Variants in TP53BP1 observed in about 807,000 individuals in gnomAD.
TP53BP1 encodes the protein TP53-binding protein 1.
In TP53BP1, 61 loss-of-function variants were observed where a neutral mutation model predicts 200.8. The ratio of observed to expected loss-of-function variants is 0.30; its 90% CI spans 0.25 to 0.38. The LOEUF (loss-of-function observed/expected upper bound fraction) is 0.38. Among genes scored for constraint, TP53BP1 ranks in the 10% least tolerant of loss-of-function variants. TP53BP1 has a pLI of 1.00. For synonymous variants in TP53BP1, 822 were observed against 844.3 expected (o/e 0.97, Z 0.46); for missense variants, 2,144 against 2,371.9 (o/e 0.90, Z 2.00).
intron 12 of TP53BP1, among the ~76,000 whole-genome samples, chr15:43,454,197 C>G (rs2046239458): frequency 6.6e-6 from 1 of 151,856 alleles, no homozygotes; most frequent in South Asian, 2.1e-4. Context: ...GAGCAAGACT[C>G]CACATCTCAA....
chr15:43,475,483 G>T (rs191817822), intron 9 of TP53BP1, 82 bp downstream of exon 9: 2 of 1,500,986 alleles, frequency 1.3e-6, no homozygotes, highest in East Asian at 4.5e-5. Context: ...TAGACTAGCA[G>T]ATAAGTTTAG....
rs2045368139 is a variant in TP53BP1, at chr15:43,420,433, C to T, written c.4553G>A (p.Gly1518Glu). The change falls in exon 21 of 28, where the codon GGG (glycine) becomes GAG (glutamate). Residue 1518 changes from glycine (G) to glutamate (E), a missense_variant. This residue lies in a region of TP53BP1 where 61 missense variants were observed against 147.5 expected (regional missense o/e 0.41). Coordinates refer to ENST00000382044, the MANE Select transcript of TP53BP1 (RefSeq NM_001141980.3). ...SGKITRDVGA[G>E]KYKLLFDDGY... ...ATCATCAAAGAGCAATTTATACTTC[C>T]CAGCTCCGACATCTCGTGTGATTTT... 1 of 1,614,166 alleles carries T rather than the reference C, an allele frequency of 6.2e-7. No individual in the cohort carries two copies. The highest frequency in any genetic ancestry group is 8.5e-7 in the Non-Finnish European group (1 of 1,180,044).
At chr15:43,463,599 A>G (rs967748751) in intron 11 of TP53BP1, among the ~76,000 whole-genome samples, 2 of 152,220 alleles carry the variant, frequency 1.3e-5, no homozygotes, top group African/African-American at 4.8e-5. Context: ...TCTTAAGCAC[A>G]AAACTTCAAG....
At position 43,441,589 on chromosome 15, in the gene TP53BP1, TA is replaced by T; in HGVS notation, c.3041-7del. On this transcript the variant is annotated splice_region_variant and splice_polypyrimidine_tract_variant and intron_variant, in intron 14 of 27. Transcript: ENST00000382044. ...TCTTTCACCAGTTGCAGGCTCTGAA[TA>T]AAAACAAAACCAAGGAGAGAAAGGA... 1 of 1,608,174 alleles carries T rather than the reference TA, an allele frequency of 6.2e-7. No individual in the cohort carries two copies. The highest frequency in any genetic ancestry group is 2.2e-5 in the East Asian group (1 of 44,802).
chr15:43,473,034 C>T (rs1373147213), intron 10 of TP53BP1, among the ~76,000 whole-genome samples: 3 of 152,102 alleles, frequency 2.0e-5, no homozygotes, highest in Non-Finnish European at 2.9e-5. Flanking sequence ...AGTGAAGCTG[C>T]AGACCTTCGC....
At chr15:43,440,514 C>CA (rs767523102) in intron 15 of TP53BP1, among the ~76,000 whole-genome samples, 120 of 94,766 alleles carry the variant, frequency 1.3e-3, no homozygotes, top group South Asian at 3.3e-3. Flanking sequence ...GACTCCGTCT[C>CA]AAAAAAAAAA....
intron 11 of TP53BP1, among the ~76,000 whole-genome samples, chr15:43,460,860 C>CAA (rs35104408): frequency 0.016 from 2,067 of 133,104 alleles, 15 homozygotes; most frequent in Middle Eastern, 0.047. Context: ...CTGTCTCTAC[C>CAA]AAAAAAAAAA....
At chr15:43,449,483 G>A (rs757584421) in intron 12 of TP53BP1, among the ~76,000 whole-genome samples, 2 of 152,216 alleles carry the variant, frequency 1.3e-5, no homozygotes, top group Non-Finnish European at 2.9e-5. Context: ...CCTTTGCACA[G>A]TATTACATAA....
chr15:43,498,940 C>T (rs2079195498), intron 1 of TP53BP1, among the ~76,000 whole-genome samples: 2 of 151,448 alleles, frequency 1.3e-5, no homozygotes, highest in Admixed American at 1.3e-4. Context: ...TACTTAGAGA[C>T]TATGGAAACT....
At chr15:43,409,185 C>G (rs1011988440) in intron 25 of TP53BP1, 89 bp from the exon 26 acceptor site, 32 of 1,230,572 alleles carry the variant, frequency 2.6e-5, no homozygotes, top group Middle Eastern at 2.1e-4. Context: ...AAGAGCAGAT[C>G]TGAAGACTCC....
At chr15:43,509,902 T>C (rs2079262354) in intron 1 of TP53BP1, among the ~76,000 whole-genome samples, 1 of 151,704 alleles carries the variant, frequency 6.6e-6, no homozygotes, top group Non-Finnish European at 1.5e-5. Context: ...GCTGGAGCCC[T>C]AGGGTGAAAG....
Position 43,479,521 on chromosome 15 carries a change from T to C in TP53BP1, c.664A>G (p.Lys222Glu), listed in dbSNP as rs1293707413. The C allele has an allele frequency of 6.2e-7, 1 of 1,608,040 alleles. No individual in the cohort carries two copies. Among genetic ancestry groups the C allele is most frequent in the African/African-American group, 1.3e-5 (1 of 74,730 alleles). ...TCTTCGTTGGACTGTTCTTCATGCT[T>C]AATTGCTGAGAGTTTTATAAAATGA... ...LSDVDANTAI[K>E]HEEQSNEDIP... Residue 222 changes from lysine to glutamate, a missense_variant, in exon 7 of 28, where the codon AAG becomes GAG. Lys to Glu is a moderately conservative substitution (Grantham distance 56). Around this residue, in one of 4 missense-constraint regions of TP53BP1, gnomAD observed 1,700 missense variants for 1,710.3 expected, o/e 0.99. Transcript: ENST00000382044.
intron 8 of TP53BP1, among the ~76,000 whole-genome samples, chr15:43,476,345 T>C (rs565104809): frequency 1.3e-5 from 2 of 152,354 alleles, no homozygotes; most frequent in Non-Finnish European, 2.9e-5. Flanking sequence ...GTGATGCTTC[T>C]ATTAAAAAAC....
At chr15:43,450,712 G>C (rs1394288179) in intron 12 of TP53BP1, among the ~76,000 whole-genome samples, 1 of 152,134 alleles carries the variant, frequency 6.6e-6, no homozygotes, top group Admixed American at 6.6e-5. Flanking sequence ...ACTGTTAACA[G>C]TGACAAGTTA....
upstream of TP53BP1, chr15:43,493,247 G>A: frequency 6.9e-7 from 1 of 1,446,312 alleles, no homozygotes; most frequent in Non-Finnish European, 9.1e-7. Flanking sequence ...AGGTAGCTGC[G>A]GCAGAGTGCC....
At chr15:43,480,805 C>G (rs949963690) in intron 5 of TP53BP1, 90 bp downstream of exon 5, 3 of 1,394,210 alleles carry the variant, frequency 2.2e-6, no homozygotes, top group Non-Finnish European at 3.0e-6. Context: ...AAATCTGCAA[C>G]CTAATAAAGA....
Position 43,406,112 on chromosome 15 carries a change from G to A in TP53BP1, c.*1271C>T, listed in dbSNP as rs2044865753. 1 of 149,662 alleles carries A rather than the reference G, an allele frequency of 6.7e-6. No individual in the cohort carries two copies. The highest frequency in any genetic ancestry group is 1.5e-5 in the Non-Finnish European group (1 of 67,590). 9.3% of individuals were successfully genotyped at this position (149,662 alleles called of 1,614,324 possible). On this transcript the variant is annotated 3_prime_UTR_variant, in exon 28 of 28. Transcript: ENST00000382044. ...GTCCTTAAGAAAAAATTGAGATCAA[G>A]TTGTTAGATTTTTAAATACTGAAGA...
chr15:43,432,125 A>G, intron 17 of TP53BP1, 69 bp downstream of exon 17: 1 of 1,546,090 alleles, frequency 6.5e-7, no homozygotes. Flanking sequence ...ACATGCCACA[A>G]CTTAAATTCT....
At chr15:43,502,305 C>T (rs937405363) in intron 1 of TP53BP1, among the ~76,000 whole-genome samples, 10 of 151,988 alleles carry the variant, frequency 6.6e-5, no homozygotes, top group African/African-American at 2.2e-4. Context: ...GCCTGGGCAA[C>T]ACAGCAAGAC....
Sources: gnomAD v4.1 joint callset for allele counts (sites outside exome capture counted in the v4.1 genomes callset) on GRCh38, gnomAD v4.1.1 for gene constraint, gnomAD v4.1.1 regional missense constraint, MANE v1.5 for transcripts, NCBI Gene and HGNC (gene_info 2026-07-23, HGNC 2026-07-21) for gene names.